The following MED6 variants were observed in gnomAD, a reference collection of about 807,000 sequenced individuals.
The protein encoded by MED6 is mediator of RNA polymerase II transcription subunit 6.
MED6 carries 33 observed loss-of-function variants against 37.5 expected under a neutral mutation model. That is an observed-to-expected ratio of 0.88 (90% CI 0.67 to 1.18). The LOEUF is 1.18. MED6 is among the 50% of genes most tolerant of loss of function. The probability of loss-of-function intolerance (pLI) is 0.00; values close to 1 mark genes in which losing one functional copy is unlikely to be tolerated. For missense variants in MED6, 235 were observed against 290.6 expected, an observed-to-expected ratio of 0.81 and a Z score of 1.39; for synonymous variants, 94 against 93.6, an observed-to-expected ratio of 1.00 and a Z score of -0.02.
intron 3 of MED6, among the ~76,000 whole-genome samples, chr14:70,593,686 G>A (rs1158183053): frequency 6.6e-6 from 1 of 152,144 alleles, no homozygotes; most frequent in African/African-American, 2.4e-5. Flanking sequence ...AAATTTTAAT[G>A]TGCATCTGAA....
Position 70,584,748 on chromosome 14 carries a change from A to G in MED6, c.*65T>C. 1.3e-6 allele frequency: 2 copies of G among 1,542,516 alleles called. No homozygotes were observed. Among genetic ancestry groups the G allele is most frequent in the Non-Finnish European group, 1.7e-6 (2 of 1,145,472 alleles). On this transcript the variant is annotated 3_prime_UTR_variant, in exon 8 of 8. Transcript: ENST00000256379. ...ACAATAAAGTACTTCAAAGCTCAAG[A>G]GCCACAGTACTGAGGTATGATAACT...
intron 6 of MED6, among the ~76,000 whole-genome samples, chr14:70,590,246 A>T (rs960203990): frequency 1.3e-5 from 2 of 152,180 alleles, no homozygotes; most frequent in African/African-American, 4.8e-5. Context: ...TCACCAAATG[A>T]ATGGTCAACT....
chr14:70,584,065 GT>G lies in MED6; in HGVS notation c.*747del. The G allele has an allele frequency of 3.2e-6, 2 of 619,574 alleles. No homozygotes were observed. Among genetic ancestry groups the G allele is most frequent in the Middle Eastern group, 3.6e-4 (1 of 2,754 alleles). The allele number at this position is 619,574 out of a possible 1,614,324, so 38.4% of individuals were successfully genotyped here. A position where few individuals can be genotyped will look rare whatever the true frequency, so the allele number is the denominator to read the frequency against. ...TAGGGTAATGGTATTGGTGAGTGAG[GT>G]TTTTCCTTTTCTTCATCTTCCAAAA... On this transcript the variant is annotated 3_prime_UTR_variant, in exon 8 of 8. Transcript: ENST00000256379.
chr14:70,593,211 G>T, intron 4 of MED6, 85 bp downstream of exon 4: 1 of 1,318,704 alleles, frequency 7.6e-7, no homozygotes, highest in Non-Finnish European at 1.1e-6. Context: ...CTTACACAAG[G>T]CAGAGGAGCT....
In MED6 at chr14:70,583,783, G is replaced by C. The variant is rs968773022; in HGVS notation, c.*1030C>G. The C allele has an allele frequency of 3.8e-6, 1 of 264,116 alleles. No individual in the cohort carries two copies. The highest frequency in any genetic ancestry group is 2.2e-5 in the African/African-American group (1 of 45,578). 16.4% of individuals were successfully genotyped at this position (264,116 alleles called of 1,614,324 possible). ...ATAATAAAGTAAAATTGTACGAAAG[G>C]AATGATTAAAGTACAGTTTTAAAAG... On this transcript the variant is annotated 3_prime_UTR_variant, in exon 8 of 8. Transcript: ENST00000256379.
chr14:70,595,536 C>A (rs145631171), intron 3 of MED6: 11 of 694,936 alleles, frequency 1.6e-5, no homozygotes, highest in African/African-American at 8.6e-5. Context: ...CTATACCCTG[C>A]AGATGGAGCA....
chr14:70,590,735 C>G (rs1021520841), intron 6 of MED6, among the ~76,000 whole-genome samples: 1 of 152,154 alleles, frequency 6.6e-6, no homozygotes, highest in African/African-American at 2.4e-5. Flanking sequence ...TTAGAAATCT[C>G]CCTGCCCCTC....
intron 6 of MED6, 38 bp from the exon 7 acceptor site, chr14:70,585,821 GA>G: frequency 1.9e-6 from 3 of 1,575,528 alleles, no homozygotes; most frequent in East Asian, 4.5e-5. Context: ...AGAGGAAGAG[GA>G]AAAAGAAGAA....
intron 5 of MED6, among the ~76,000 whole-genome samples, chr14:70,592,080 T>A (rs1168671885): frequency 6.6e-6 from 1 of 152,238 alleles, no homozygotes; most frequent in Non-Finnish European, 1.5e-5. Context: ...TGTTCCTGCT[T>A]ATACCTACTA....
intron 6 of MED6, among the ~76,000 whole-genome samples, chr14:70,589,892 A>G (rs1474302037): frequency 1.3e-5 from 2 of 152,228 alleles, no homozygotes. Context: ...ACCGTTTTCT[A>G]GATCACGACT....
intron 2 of MED6, 118 bp downstream of exon 2, chr14:70,597,500 A>T: frequency 1.1e-6 from 1 of 903,066 alleles, no homozygotes; most frequent in Non-Finnish European, 1.5e-6. Context: ...AAACCCAAAC[A>T]AAACTCCAGT....
At chr14:70,598,825 G>A (rs1352289919) in intron 1 of MED6, among the ~76,000 whole-genome samples, 2 of 152,092 alleles carry the variant, frequency 1.3e-5, no homozygotes, top group Admixed American at 6.5e-5. Context: ...ATAGCTACCA[G>A]TTTGAGATCT....
chr14:70,598,515 A>T (rs1292565780), intron 1 of MED6, among the ~76,000 whole-genome samples: 4 of 152,166 alleles, frequency 2.6e-5, no homozygotes, highest in Admixed American at 1.3e-4. Flanking sequence ...GAGACTACAG[A>T]GGACCTGGGG....
chr14:70,598,702 A>G (rs1005598527), intron 1 of MED6, among the ~76,000 whole-genome samples: 3 of 151,688 alleles, frequency 2.0e-5, no homozygotes, highest in Admixed American at 2.0e-4. Context: ...CATTAGGTGA[A>G]GAAGTGATAA....
At chr14:70,587,702 T>C (rs1045007287) in intron 6 of MED6, among the ~76,000 whole-genome samples, 5 of 152,212 alleles carry the variant, frequency 3.3e-5, no homozygotes, top group Non-Finnish European at 7.3e-5. Flanking sequence ...TGGGGATATA[T>C]AACAAGAGTG....
At chr14:70,598,905 G>T (rs1265051077) in intron 1 of MED6, among the ~76,000 whole-genome samples, 5 of 152,156 alleles carry the variant, frequency 3.3e-5, no homozygotes, top group Non-Finnish European at 7.4e-5. Flanking sequence ...AAAGCTAAGG[G>T]ATAAACAGGA....
rs138839744 is a variant in MED6 at position 70,583,896 on chromosome 14, A to C, written c.*917T>G. On this transcript the variant is annotated 3_prime_UTR_variant, in exon 8 of 8. Transcript: ENST00000256379. ...CTTTGCAGACTTCCTACCAGCAAGA[A>C]GGCCCTCACCAGATGGAGCCAATCA... 5.0e-6 allele frequency: 2 copies of C among 397,860 alleles called. No individual in the cohort carries two copies. The highest frequency in any genetic ancestry group is 8.9e-6 in the Non-Finnish European group (2 of 225,800). 24.6% of individuals were successfully genotyped at this position (397,860 alleles called of 1,614,324 possible).
At chr14:70,590,709 G>A (rs1884843544) in intron 6 of MED6, among the ~76,000 whole-genome samples, 1 of 152,102 alleles carries the variant, frequency 6.6e-6, no homozygotes, top group Non-Finnish European at 1.5e-5. Context: ...AATGGCAGGT[G>A]GATTTGCTAT....
At chr14:70,595,589 G>A (rs1885020000) in intron 3 of MED6, 5 of 730,704 alleles carry the variant, frequency 6.8e-6, no homozygotes, top group Admixed American at 6.2e-5. Context: ...AGCTGGCACA[G>A]GCCGGGGCAG....
Sources: allele counts gnomAD v4.1 joint callset (sites outside exome capture counted in the v4.1 genomes callset), GRCh38; gene constraint gnomAD v4.1.1; transcripts MANE v1.5; gene names NCBI Gene and HGNC (gene_info 2026-07-23, HGNC 2026-07-21).